DPYD: variants seen among roughly 807,000 people sequenced by gnomAD.
The protein encoded by DPYD is dihydropyrimidine dehydrogenase, also known as dihydropyrimidine dehydrogenase [NADP(+)].
A neutral mutation model predicts 116.2 loss-of-function variants in DPYD; 109 were observed. The ratio of observed to expected loss-of-function variants is 0.94; its 90% CI spans 0.80 to 1.10. The LOEUF (loss-of-function observed/expected upper bound fraction) is 1.10. DPYD is among the 50% of genes least tolerant of loss of function. DPYD has a pLI of 0.00. For synonymous variants in DPYD, 440 were observed against 432.0 expected (o/e 1.02, Z -0.23); for missense variants, 1,302 against 1,254.5 (o/e 1.04, Z -0.57).
chr1:97,706,361 A>C (rs1043285005), intron 5 of DPYD, among the ~76,000 whole-genome samples: 1 of 151,996 alleles, frequency 6.6e-6, no homozygotes, highest in Non-Finnish European at 1.5e-5. Context: ...CCCTATTATC[A>C]ACATCCTCTC....
At chr1:97,304,676 C>A (rs866650907) in intron 18 of DPYD, among the ~76,000 whole-genome samples, 1 of 151,994 alleles carries the variant, frequency 6.6e-6, no homozygotes, top group Non-Finnish European at 1.5e-5. Flanking sequence ...GTCACAGTCA[C>A]AGAGTGCACA....
At chr1:97,406,969 T>C (rs1673693193) in intron 14 of DPYD, among the ~76,000 whole-genome samples, 1 of 152,182 alleles carries the variant, frequency 6.6e-6, no homozygotes, top group Non-Finnish European at 1.5e-5. Context: ...ATATAGTACC[T>C]GCAAGGTTAT....
intron 20 of DPYD, among the ~76,000 whole-genome samples, chr1:97,118,613 C>T (rs897633824): frequency 6.6e-6 from 1 of 152,080 alleles, no homozygotes; most frequent in Non-Finnish European, 1.5e-5. Context: ...GAGTACTGAA[C>T]GTGGAATCAA....
At chr1:97,721,855 T>A (rs1445870439) in intron 4 of DPYD, among the ~76,000 whole-genome samples, 184 bp from the exon 5 acceptor site, 1 of 151,662 alleles carries the variant, frequency 6.6e-6, no homozygotes, top group Admixed American at 6.6e-5. Flanking sequence ...ATTTGACACA[T>A]AGGAATATTC....
intron 6 of DPYD, among the ~76,000 whole-genome samples, chr1:97,698,341 AATAATTG>A (rs1486831370): frequency 6.6e-6 from 1 of 151,888 alleles, no homozygotes; most frequent in Non-Finnish European, 1.5e-5. Context: ...CAATGATACA[AATAATTG>A]ATAATTGATA....
intron 2 of DPYD, among the ~76,000 whole-genome samples, chr1:97,869,690 C>T (rs1427915904): frequency 1.3e-5 from 2 of 151,710 alleles, no homozygotes; most frequent in African/African-American, 4.8e-5. Context: ...GCTAAAATAG[C>T]CCTTATCTTC....
intron 13 of DPYD, among the ~76,000 whole-genome samples, chr1:97,511,999 C>T (rs1337542373): frequency 6.6e-6 from 1 of 151,746 alleles, no homozygotes; most frequent in Non-Finnish European, 1.5e-5. Flanking sequence ...TTTAATTGGC[C>T]TTTTCTCCTT....
At chr1:97,232,601 C>G (rs1661654534) in intron 19 of DPYD, among the ~76,000 whole-genome samples, 1 of 151,756 alleles carries the variant, frequency 6.6e-6, no homozygotes, top group Admixed American at 6.6e-5. Flanking sequence ...CTTTTTTTCT[C>G]TCTGTTTTTC....
intron 2 of DPYD, among the ~76,000 whole-genome samples, chr1:97,879,563 C>T (rs542465576): frequency 6.6e-6 from 1 of 152,008 alleles, no homozygotes; most frequent in African/African-American, 2.4e-5. Flanking sequence ...GAAATAACTG[C>T]TTCATGCTTC....
intron 4 of DPYD, among the ~76,000 whole-genome samples, chr1:97,731,506 T>A (rs1025075524): frequency 2.0e-5 from 3 of 152,084 alleles, no homozygotes; most frequent in Non-Finnish European, 4.4e-5. Context: ...CTTACAAAAT[T>A]TGGTCATGAT....
Position 97,755,556 on chromosome 1 carries a change from A to C in DPYD, c.234-15077T>G, listed in dbSNP as rs767271702. 2.0e-5 allele frequency among the ~76,000 whole-genome samples: 3 copies of C among 152,286 alleles called. No homozygotes were observed. In the East Asian group the frequency reaches 5.8e-4, roughly 29 times the overall value. The stretch of plus-strand genomic sequence containing the variant: ...TCTGCTTCACAGAGCTCTCTGCCCA[A>C]CCACATTTAATTCACCCCCACTGTA... On this transcript the variant is annotated intron_variant, in intron 3 of 22. Coordinates refer to ENST00000370192, the MANE Select transcript of DPYD (RefSeq NM_000110.4).
intron 11 of DPYD, among the ~76,000 whole-genome samples, chr1:97,558,003 G>A (rs1431090924): frequency 6.6e-6 from 1 of 152,062 alleles, no homozygotes; most frequent in Non-Finnish European, 1.5e-5. Flanking sequence ...TGGGTGTGGG[G>A]GCAAGAGAAA....
chr1:97,818,042 CT>C (rs1302014280), intron 3 of DPYD, among the ~76,000 whole-genome samples: 1 of 152,000 alleles, frequency 6.6e-6, no homozygotes, highest in East Asian at 1.9e-4. Flanking sequence ...AATATACAAT[CT>C]TTTGATACTA....
intron 20 of DPYD, among the ~76,000 whole-genome samples, chr1:97,173,231 T>TACACATATAC (rs1557911333): frequency 9.2e-4 from 104 of 112,876 alleles, no homozygotes; most frequent in Admixed American, 2.0e-3. Flanking sequence ...CGTACATATA[T>TACACATATAC]GCGCACACAT....
intron 3 of DPYD, among the ~76,000 whole-genome samples, chr1:97,783,682 A>G (rs1470276152): frequency 6.6e-6 from 1 of 152,164 alleles, no homozygotes; most frequent in East Asian, 1.9e-4. Flanking sequence ...GTGAGCCACC[A>G]CACCCAGCCT....
chr1:97,863,685 A>C (rs1305295843), intron 2 of DPYD, among the ~76,000 whole-genome samples: 1 of 151,974 alleles, frequency 6.6e-6, no homozygotes, highest in Non-Finnish European at 1.5e-5. Context: ...TTATACGATG[A>C]ACAATTCATT....
chr1:97,106,206 G>A (rs1446081854), intron 20 of DPYD, among the ~76,000 whole-genome samples: 1 of 152,016 alleles, frequency 6.6e-6, no homozygotes, highest in Non-Finnish European at 1.5e-5. Flanking sequence ...GAGTTCTAAG[G>A]TCATCATTAT....
chr1:97,168,690 G>A lies in DPYD; in HGVS notation c.2622+24379C>T, dbSNP rs147148208. On this transcript the variant is annotated intron_variant, in intron 20 of 22. Transcript: ENST00000370192. ...TTATTTAGATTTTTTTAACCAATGA[G>A]TTTAGATATATTCTAGATGACCAAA... Among the ~76,000 whole-genome samples the A allele has an allele frequency of 1.7e-3, 252 of 152,086 alleles. 1 individual carries two copies. Among genetic ancestry groups the A allele is most frequent in the African/African-American group, 5.5e-3 (228 of 41,508 alleles).
intron 1 of DPYD, among the ~76,000 whole-genome samples, chr1:97,887,419 G>A (rs189206531): frequency 4.0e-4 from 56 of 140,960 alleles, no homozygotes; most frequent in African/African-American, 1.4e-3. Context: ...GCAGTGAGCT[G>A]TGACCATGCC....
Sources: gnomAD v4.1 joint callset for allele counts (sites outside exome capture counted in the v4.1 genomes callset) on GRCh38, gnomAD v4.1.1 for gene constraint, MANE v1.5 for transcripts, NCBI Gene and HGNC (gene_info 2026-07-23, HGNC 2026-07-21) for gene names.